Variants in METTL5 observed in about 807,000 individuals in gnomAD.
METTL5 encodes methyltransferase 5, N6-adenosine.
METTL5 carries 28 observed loss-of-function variants against 26.5 expected under a neutral mutation model. The observed-to-expected ratio is 1.06, with a 90% CI of 0.78 to 1.45. METTL5 has a LOEUF of 1.45. Among genes scored for constraint, METTL5 ranks in the 40% most tolerant of loss-of-function variants. The pLI is 0.00. For synonymous variants in METTL5, 86 were observed against 82.6 expected (o/e 1.04, Z -0.22); for missense variants, 231 against 249.9 (o/e 0.92, Z 0.51).
Position 169,824,701 on chromosome 2 carries a change from T to A in METTL5, c.-104A>T, listed in dbSNP as rs926188995. Reference sequence around the variant, plus strand: ...CTCCCTACCCCCAACCTTCTCCCTTTTTCAGCACCGCTGGCCGGACCCGAA... The same window carrying A: ...CTCCCTACCCCCAACCTTCTCCCTTATTCAGCACCGCTGGCCGGACCCGAA... On this transcript the variant is annotated 5_prime_UTR_variant, in exon 1 of 7. Coordinates refer to ENST00000260953, the MANE Select transcript of METTL5 (RefSeq NM_014168.4). 1 of 950,480 alleles carries A rather than the reference T, an allele frequency of 1.1e-6. No homozygotes were observed. Among genetic ancestry groups the A allele is most frequent in the Non-Finnish European group, 1.7e-6 (1 of 593,106 alleles). 58.9% of individuals were successfully genotyped at this position (950,480 alleles called of 1,614,324 possible).
chr2:169,822,316 GTC>G (rs3217297), intron 1 of METTL5, among the ~76,000 whole-genome samples: 90,403 of 151,740 alleles, frequency 0.6, 27,977 homozygotes, highest in Admixed American at 0.69. Context: ...ACTGTGCCCA[GTC>G]TCTGAGGTAA....
chr2:169,820,823 C>T (rs1360394266), intron 3 of METTL5, among the ~76,000 whole-genome samples: 3 of 152,040 alleles, frequency 2.0e-5, no homozygotes, highest in Admixed American at 1.3e-4. Flanking sequence ...GGTGATCCTC[C>T]CACCTCAACC....
chr2:169,811,972 A>T, intron 6 of METTL5, 114 bp from the exon 7 acceptor site: 2 of 1,224,114 alleles, frequency 1.6e-6, no homozygotes, highest in Non-Finnish European at 2.3e-6. Flanking sequence ...AAATATCAAA[A>T]GGAAGATTCT....
intron 2 of METTL5, 70 bp from the exon 3 acceptor site, chr2:169,821,343 C>CT (rs1421913432): frequency 1.3e-5 from 14 of 1,109,128 alleles, no homozygotes; most frequent in Admixed American, 6.4e-5. Flanking sequence ...CCAAAATTAG[C>CT]TGTTTTTTTT....
intron 4 of METTL5, among the ~76,000 whole-genome samples, chr2:169,818,257 A>C (rs2081538112): frequency 6.6e-6 from 1 of 152,172 alleles, no homozygotes; most frequent in Admixed American, 6.5e-5. Context: ...TCATGCTGGG[A>C]AAATTAATTG....
At chr2:169,820,387 A>G (rs1040230775) in intron 3 of METTL5, among the ~76,000 whole-genome samples, 1 of 152,258 alleles carries the variant, frequency 6.6e-6, no homozygotes, top group Non-Finnish European at 1.5e-5. Flanking sequence ...CTGTTAAGAC[A>G]TTAAAAAACA....
At chr2:169,821,021 C>A (rs532778299) in intron 3 of METTL5, 71 bp downstream of exon 3, 1 of 1,304,018 alleles carries the variant, frequency 7.7e-7, no homozygotes. Flanking sequence ...TGAGCCACTG[C>A]GCCTGGCCTT....
In METTL5 at chr2:169,824,706, G is replaced by C; in HGVS notation, c.-109C>G. 3 of 916,100 alleles carry C rather than the reference G, an allele frequency of 3.3e-6. No individual in the cohort carries two copies. In the South Asian group the frequency reaches 4.2e-5, roughly 13 times the overall value. 56.7% of individuals were successfully genotyped at this position (916,100 alleles called of 1,614,324 possible). ...TACCCCCAACCTTCTCCCTTTTTCA[G>C]CACCGCTGGCCGGACCCGAAGACGC... On this transcript the variant is annotated 5_prime_UTR_variant, in exon 1 of 7. Coordinates refer to ENST00000260953, the MANE Select transcript of METTL5 (RefSeq NM_014168.4).
At chr2:169,820,738 A>G (rs1350086244) in intron 3 of METTL5, among the ~76,000 whole-genome samples, 4 of 152,198 alleles carry the variant, frequency 2.6e-5, no homozygotes, top group African/African-American at 9.7e-5. Context: ...TTTTCTAGAC[A>G]GGGTCTTGCT....
chr2:169,812,737 A>G, intron 5 of METTL5: 1 of 485,118 alleles, frequency 2.1e-6, no homozygotes, highest in East Asian at 3.8e-5. Flanking sequence ...GTTATAAGTG[A>G]TGAGTTTAGA....
intron 1 of METTL5, 128 bp from the exon 2 acceptor site, chr2:169,822,185 T>G: frequency 2.3e-6 from 3 of 1,323,794 alleles, no homozygotes; most frequent in Non-Finnish European, 3.0e-6. Context: ...CATTCCAGAT[T>G]ATTTTTGTAA....
At chr2:169,811,949 T>G in intron 6 of METTL5, 91 bp from the exon 7 acceptor site, 1 of 1,386,728 alleles carries the variant, frequency 7.2e-7, no homozygotes, top group Non-Finnish European at 1.0e-6. Flanking sequence ...GTTTGTGTTA[T>G]TTCAGATGAT....
chr2:169,820,137 A>G (rs964340319), intron 3 of METTL5, among the ~76,000 whole-genome samples: 13 of 152,048 alleles, frequency 8.5e-5, no homozygotes, highest in Admixed American at 8.5e-4. Flanking sequence ...TTGTATTTTT[A>G]GTAGAGACGG....
chr2:169,813,995 A>C (rs1234607270), intron 5 of METTL5, among the ~76,000 whole-genome samples: 1 of 152,164 alleles, frequency 6.6e-6, no homozygotes. Flanking sequence ...TTGTTAGTTT[A>C]TTATTGTGAA....
At chr2:169,821,443 G>A (rs2081584106) in intron 2 of METTL5, among the ~76,000 whole-genome samples, 170 bp from the exon 3 acceptor site, 1 of 148,930 alleles carries the variant, frequency 6.7e-6, no homozygotes, top group African/African-American at 2.5e-5. Context: ...GGATCTTGCT[G>A]TGCCACCCAG....
chr2:169,813,833 T>C (rs1690061762), intron 5 of METTL5, among the ~76,000 whole-genome samples: 1 of 151,956 alleles, frequency 6.6e-6, no homozygotes, highest in African/African-American at 2.4e-5. Context: ...GCTGCTGCAC[T>C]CCAGCCTGGG....
intron 1 of METTL5, among the ~76,000 whole-genome samples, chr2:169,822,330 A>AT (rs1194112371): frequency 6.6e-6 from 1 of 152,228 alleles, no homozygotes; most frequent in East Asian, 1.9e-4. Flanking sequence ...CTGAGGTAAA[A>AT]TAAAAAAAAG....
At chr2:169,820,988 G>A (rs1399104049) in intron 3 of METTL5, 104 bp downstream of exon 3, 2 of 957,624 alleles carry the variant, frequency 2.1e-6, no homozygotes, top group African/African-American at 1.7e-5. Flanking sequence ...TATCAGCCTC[G>A]CAAAGCACTG....
chr2:169,814,919 G>A (rs1690095480), intron 5 of METTL5, among the ~76,000 whole-genome samples: 1 of 150,536 alleles, frequency 6.6e-6, no homozygotes, highest in African/African-American at 2.4e-5. Context: ...TTGAGACTGA[G>A]TCTCCTCTGT....
Sources: allele counts gnomAD v4.1 joint callset (sites outside exome capture counted in the v4.1 genomes callset), GRCh38; gene constraint gnomAD v4.1.1; transcripts MANE v1.5; gene names NCBI Gene and HGNC (gene_info 2026-07-23, HGNC 2026-07-21).